Variants in HDAC9 observed in about 807,000 individuals in gnomAD.
HDAC9 encodes MEF-2 interacting transcription repressor (MITR) protein.
In HDAC9, 41 loss-of-function variants were observed where a neutral mutation model predicts 139.4. The observed-to-expected ratio is 0.29, with a 90% CI of 0.23 to 0.38. The LOEUF (loss-of-function observed/expected upper bound fraction) is 0.38. Among genes scored for constraint, HDAC9 ranks in the 10% least tolerant of loss-of-function variants. The pLI, the probability that HDAC9 is intolerant of heterozygous loss-of-function variation, is 1.00. For synonymous variants in HDAC9, 517 were observed against 476.2 expected (o/e 1.09, Z -1.12); for missense variants, 1,147 against 1,297.0 (o/e 0.88, Z 1.78).
At chr7:18,398,316 G>C (rs1026322090) in intron 1 of HDAC9, among the ~76,000 whole-genome samples, 2 of 152,124 alleles carry the variant, frequency 1.3e-5, no homozygotes, top group South Asian at 2.1e-4. Flanking sequence ...ATTTTTCTCA[G>C]ATTTTAACTG....
chr7:18,321,599 A>G (rs928926694), intron 1 of HDAC9, among the ~76,000 whole-genome samples: 3 of 152,276 alleles, frequency 2.0e-5, no homozygotes, highest in Non-Finnish European at 4.4e-5. Context: ...GAAATTGTAC[A>G]TATTGGTGAG....
intron 22 of HDAC9, among the ~76,000 whole-genome samples, chr7:18,923,403 A>T (rs1803934328): frequency 1.3e-5 from 2 of 152,092 alleles, no homozygotes; most frequent in Non-Finnish European, 2.9e-5. Context: ...TTGTTGAAAG[A>T]TGTCCATGAC....
At chr7:18,289,277 C>T (rs181234945), upstream of HDAC9, among the ~76,000 whole-genome samples, 763 of 152,122 alleles carry the variant, frequency 5.0e-3, 1 homozygote, top group South Asian at 0.01. Context: ...TTTTCATTTT[C>T]TTAGATCTAA....
intron 11 of HDAC9, among the ~76,000 whole-genome samples, chr7:18,660,994 A>G (rs1434570041): frequency 6.6e-6 from 1 of 152,162 alleles, no homozygotes; most frequent in African/African-American, 2.4e-5. Flanking sequence ...TATTTTAAAA[A>G]TCATTATTAG....
At chr7:18,185,410 C>T (rs1415984451) in intron 2 of HDAC9, among the ~76,000 whole-genome samples, 1 of 152,118 alleles carries the variant, frequency 6.6e-6, no homozygotes, top group Non-Finnish European at 1.5e-5. Flanking sequence ...TTAAAGCAAG[C>T]ATCAGGAAAG....
rs1563298518 is a variant in HDAC9, at chr7:18,564,971, ATT to A, written c.23-20308_23-20307del. On this transcript the variant is annotated intron_variant, in intron 2 of 25. Transcript: ENST00000686413. ...TCAAATAAATGTATTTTATTTATTT[ATT>A]TATTTATTTATTTATTTATTTATTT... Among the ~76,000 whole-genome samples, 210 of 127,084 alleles carry A rather than the reference ATT, an allele frequency of 1.7e-3. 1 individual carries two copies. Among genetic ancestry groups the A allele is most frequent in the African/African-American group, 6.6e-3 (206 of 31,428 alleles). 83.4% of individuals were successfully genotyped at this position (127,084 alleles called of 152,430 possible).
rs529157030 is a variant in HDAC9, at chr7:18,846,736, T to G, written c.2684+10739T>G. 3.9e-5 allele frequency among the ~76,000 whole-genome samples: 6 copies of G among 152,282 alleles called. No individual in the cohort carries two copies. In the South Asian group the frequency reaches 1.2e-3, roughly 32 times the overall value. On this transcript the variant is annotated intron_variant, in intron 21 of 25. Coordinates refer to ENST00000686413, the MANE Select transcript of HDAC9 (RefSeq NM_178425.4). ...AATTATTTACAAAAGCTTGAAAATA[T>G]TTAATCACTAGAGGCAGGGGGGCAA... is the stretch of plus-strand genomic sequence containing the variant.
chr7:18,697,213 G>T (rs976974651), intron 12 of HDAC9, among the ~76,000 whole-genome samples: 4 of 152,154 alleles, frequency 2.6e-5, no homozygotes. Flanking sequence ...TCACATCCTG[G>T]CAGATGAGAT....
rs755093789 is a variant in HDAC9 at position 18,629,347 on chromosome 7, C to T, written c.665-3C>T. On this transcript the variant is annotated splice_polypyrimidine_tract_variant and splice_region_variant and intron_variant, in intron 6 of 25. Transcript: ENST00000686413. ...ATTTTTTTTTTTTTGTCTCAATCCC[C>T]AGCCTCTGAGCCCAACTTGAAGGTG... The T allele has an allele frequency of 7.6e-6, 12 of 1,572,284 alleles. No homozygotes were observed. Among genetic ancestry groups the T allele is most frequent in the Non-Finnish European group, 9.5e-6 (11 of 1,160,672 alleles).
At chr7:18,736,847 G>A (rs1297150272) in intron 13 of HDAC9, among the ~76,000 whole-genome samples, 1 of 152,172 alleles carries the variant, frequency 6.6e-6, no homozygotes, top group Non-Finnish European at 1.5e-5. Flanking sequence ...GAATTCGGGT[G>A]TGAATCCATC....
chr7:18,207,221 G>A (rs528909344), intron 2 of HDAC9, among the ~76,000 whole-genome samples: 2 of 152,070 alleles, frequency 1.3e-5, no homozygotes, highest in Non-Finnish European at 1.5e-5. Flanking sequence ...TTACAGGCAT[G>A]AGCCACTGCA....
intron 25 of HDAC9, among the ~76,000 whole-genome samples, chr7:18,995,734 T>C (rs550912747): frequency 1.3e-5 from 2 of 152,152 alleles, no homozygotes; most frequent in Non-Finnish European, 2.9e-5. Context: ...CAATAAATTA[T>C]TGAACTGTAC....
intron 1 of HDAC9, among the ~76,000 whole-genome samples, chr7:18,094,999 G>T (rs1782413269): frequency 6.6e-6 from 1 of 152,094 alleles, no homozygotes; most frequent in East Asian, 1.9e-4. Context: ...TTTTTCCACG[G>T]ATATGTTATG....
At chr7:18,446,433 A>G (rs1792302051) in intron 1 of HDAC9, among the ~76,000 whole-genome samples, 1 of 152,194 alleles carries the variant, frequency 6.6e-6, no homozygotes, top group African/African-American at 2.4e-5. Flanking sequence ...AAAACTGGGA[A>G]AGGTTTAGGG....
chr7:18,985,250 C>T (rs560551942), intron 25 of HDAC9, among the ~76,000 whole-genome samples: 25 of 151,774 alleles, frequency 1.6e-4, no homozygotes, highest in East Asian at 5.8e-4. Context: ...CCCCAGAGTG[C>T]GATGTTCCCC....
intron 1 of HDAC9, among the ~76,000 whole-genome samples, chr7:18,149,856 G>A (rs1786638533): frequency 6.6e-6 from 1 of 151,980 alleles, no homozygotes; most frequent in South Asian, 2.1e-4. Flanking sequence ...GCCCAGCCCA[G>A]TTTTTCATTT....
intron 2 of HDAC9, among the ~76,000 whole-genome samples, chr7:18,584,595 CT>C (rs1828883961): frequency 6.6e-6 from 1 of 152,118 alleles, no homozygotes; most frequent in Non-Finnish European, 1.5e-5. Flanking sequence ...TTTCCTCATA[CT>C]TTTTCCACCT....
rs528815861 is a variant in HDAC9, at chr7:18,525,598, G to A, written c.22+29274G>A. Among the ~76,000 whole-genome samples the A allele has an allele frequency of 2.6e-5, 4 of 152,004 alleles. No homozygotes were observed. In the South Asian group the frequency reaches 6.2e-4, roughly 24 times the overall value. ...CTGCATTGCTTTGCTTTTTTTAAAAGCTACTGTTTATATAGTCCTAGTTCC... is the reference window on the plus strand; with the variant it reads ...CTGCATTGCTTTGCTTTTTTTAAAAACTACTGTTTATATAGTCCTAGTTCC... On this transcript the variant is annotated intron_variant, in intron 2 of 25. Coordinates refer to ENST00000686413, the MANE Select transcript of HDAC9 (RefSeq NM_178425.4).
chr7:18,690,672 A>G (rs1340898934), intron 12 of HDAC9, among the ~76,000 whole-genome samples: 3 of 152,026 alleles, frequency 2.0e-5, no homozygotes, highest in Non-Finnish European at 4.4e-5. Flanking sequence ...CACATTGTGC[A>G]TGAATTTATT....
Sources: gnomAD v4.1 joint callset for allele counts (sites outside exome capture counted in the v4.1 genomes callset) on GRCh38, gnomAD v4.1.1 for gene constraint, MANE v1.5 for transcripts, NCBI Gene and HGNC (gene_info 2026-07-23, HGNC 2026-07-21) for gene names.